Variants in LPXN observed in about 807,000 individuals in gnomAD.
LPXN encodes the protein leupaxin.
In LPXN, 28 loss-of-function variants were observed where a neutral mutation model predicts 45.6. That is an observed-to-expected ratio of 0.61 (90% confidence interval 0.45 to 0.84). The LOEUF is 0.84. LPXN is among the 40% of genes least tolerant of loss of function. The pLI, the probability that LPXN is intolerant of heterozygous loss-of-function variation, is 0.00. For synonymous variants in LPXN, 166 were observed against 169.9 expected (o/e 0.98, Z 0.18); for missense variants, 459 against 475.0 (o/e 0.97, Z 0.31).
At chr11:58,547,252 C>T (rs901137343) in intron 7 of LPXN, among the ~76,000 whole-genome samples, 12 of 152,158 alleles carry the variant, frequency 7.9e-5, no homozygotes, top group African/African-American at 1.9e-4. Flanking sequence ...TTATCTGGAA[C>T]GATGTTAATA....
chr11:58,568,648 G>A (rs1488029615), intron 2 of LPXN, among the ~76,000 whole-genome samples: 2 of 151,806 alleles, frequency 1.3e-5, no homozygotes, highest in African/African-American at 2.4e-5. Context: ...TGTTTCATAC[G>A]CTGCTAGATG....
chr11:58,572,924 T>A (rs1011444419), intron 1 of LPXN, among the ~76,000 whole-genome samples: 3 of 152,178 alleles, frequency 2.0e-5, no homozygotes, highest in Non-Finnish European at 4.4e-5. Context: ...ATACTTAAAT[T>A]TCTTTATAAT....
intron 4 of LPXN, among the ~76,000 whole-genome samples, chr11:58,553,253 T>C (rs1854103081): frequency 6.6e-6 from 1 of 150,986 alleles, no homozygotes; most frequent in Non-Finnish European, 1.5e-5. Context: ...CTAGAATCGC[T>C]TGAACCCAGG....
At chr11:58,564,074 C>A (rs1854457159) in intron 3 of LPXN, 81 bp downstream of exon 3, 4 of 877,942 alleles carry the variant, frequency 4.6e-6, no homozygotes, top group African/African-American at 1.7e-5. Flanking sequence ...ACTTGCAAAG[C>A]AAATTATCAC....
chr11:58,560,125 T>C (rs1211474248), intron 3 of LPXN, among the ~76,000 whole-genome samples: 1 of 152,182 alleles, frequency 6.6e-6, no homozygotes, highest in Non-Finnish European at 1.5e-5. Flanking sequence ...GTATCTTAAG[T>C]TATATTTTTA....
In LPXN at chr11:58,548,930, T is replaced by C. The variant is rs1004041017; in HGVS notation, c.742+856A>G. ...ATGCACACTTAATACTGATCTAACC[T>C]GTAATTATGACATAATTATATATTG... is the stretch of plus-strand genomic sequence containing the variant. On this transcript the variant is annotated intron_variant, in intron 7 of 8. Transcript: ENST00000395074. Among the ~76,000 whole-genome samples the C allele has an allele frequency of 3.9e-5, 6 of 152,352 alleles. No individual in the cohort carries two copies. In the East Asian group the frequency reaches 9.6e-4, roughly 24 times the overall value.
upstream of LPXN, among the ~76,000 whole-genome samples, chr11:58,578,497 CAG>C (rs1284890040): frequency 2.0e-5 from 3 of 152,186 alleles, no homozygotes; most frequent in East Asian, 3.9e-4. Flanking sequence ...GCCATTTTTT[CAG>C]AGACTTTCAT....
chr11:58,552,924 T>C (rs1234443036), intron 4 of LPXN, among the ~76,000 whole-genome samples: 1 of 152,220 alleles, frequency 6.6e-6, no homozygotes. Context: ...CAGGAAATTC[T>C]GCCTATCTCC....
intron 1 of LPXN, among the ~76,000 whole-genome samples, chr11:58,571,863 T>G (rs1292128743): frequency 2.0e-5 from 3 of 152,202 alleles, no homozygotes; most frequent in Non-Finnish European, 2.9e-5. Flanking sequence ...AATAATTTGC[T>G]TAAGCGCATG....
chr11:58,576,143 G>C (rs1459071439), upstream of LPXN, among the ~76,000 whole-genome samples: 1 of 151,642 alleles, frequency 6.6e-6, no homozygotes, highest in Non-Finnish European at 1.5e-5. Flanking sequence ...TTTTTTCCAA[G>C]TGTAGGTACC....
chr11:58,576,577 T>G (rs1190691908), upstream of LPXN, among the ~76,000 whole-genome samples: 1 of 152,244 alleles, frequency 6.6e-6, no homozygotes, highest in Non-Finnish European at 1.5e-5. Context: ...CACCTTGAAT[T>G]AAACATTTAC....
At chr11:58,543,185 A>G (rs1199742222) in intron 7 of LPXN, among the ~76,000 whole-genome samples, 1 of 152,166 alleles carries the variant, frequency 6.6e-6, no homozygotes. Flanking sequence ...GAATACATTA[A>G]TCATGAGGGC....
chr11:58,573,944 A>G (rs930727193), intron 1 of LPXN, among the ~76,000 whole-genome samples: 9 of 152,070 alleles, frequency 5.9e-5, no homozygotes, highest in Admixed American at 1.3e-4. Flanking sequence ...TTTAGGTAAA[A>G]CCTTCTGGGT....
chr11:58,578,111 T>TA, upstream of LPXN: 2 of 1,530,930 alleles, frequency 1.3e-6, no homozygotes, highest in South Asian at 1.2e-5. Flanking sequence ...TCTGGGCAGT[T>TA]ACGCAGACAC....
intron 1 of LPXN, among the ~76,000 whole-genome samples, chr11:58,574,654 G>C (rs1229893065): frequency 6.6e-6 from 1 of 152,026 alleles, no homozygotes; most frequent in Non-Finnish European, 1.5e-5. Context: ...CAGCACTCAC[G>C]TAGGATAAGA....
At chr11:58,560,583 G>T (rs1400138568) in intron 3 of LPXN, among the ~76,000 whole-genome samples, 1 of 152,016 alleles carries the variant, frequency 6.6e-6, no homozygotes, top group Non-Finnish European at 1.5e-5. Flanking sequence ...AACCATAATA[G>T]GTAGCATTTA....
At chr11:58,538,111 T>C (rs1853609171) in intron 7 of LPXN, among the ~76,000 whole-genome samples, 1 of 152,182 alleles carries the variant, frequency 6.6e-6, no homozygotes, top group African/African-American at 2.4e-5. Context: ...CTCATCATTT[T>C]TTATGGCTGC....
intron 7 of LPXN, 139 bp downstream of exon 7, chr11:58,549,647 G>C (rs946838928): frequency 6.4e-6 from 4 of 622,172 alleles, no homozygotes; most frequent in African/African-American, 5.5e-5. Context: ...AAGGTAGGGA[G>C]GGATGGTATC....
At chr11:58,565,431 G>A (rs1478575248) in intron 2 of LPXN, among the ~76,000 whole-genome samples, 1 of 151,970 alleles carries the variant, frequency 6.6e-6, no homozygotes, top group Admixed American at 6.6e-5. Flanking sequence ...TACTCAGGAG[G>A]CTGAGGCTTG....
Sources: allele counts gnomAD v4.1 joint callset (sites outside exome capture counted in the v4.1 genomes callset), GRCh38; gene constraint gnomAD v4.1.1; transcripts MANE v1.5; gene names NCBI Gene and HGNC (gene_info 2026-07-23, HGNC 2026-07-21).